The following OXR1 variants were observed in gnomAD, a reference collection of about 807,000 sequenced individuals.
OXR1 encodes oxidation resistance protein 1.
A neutral mutation model predicts 104.6 loss-of-function variants in OXR1; 41 were observed. That is an observed-to-expected ratio of 0.39 (90% CI 0.31 to 0.51). The LOEUF (loss-of-function observed/expected upper bound fraction) is 0.51, where lower values mean the gene tolerates loss of function less well. OXR1 is among the 20% of genes least tolerant of loss of function. The pLI, the probability that OXR1 is intolerant of heterozygous loss-of-function variation, is 0.77. For missense variants in OXR1, 955 were observed against 1,031.9 expected (o/e 0.93, Z 1.02); for synonymous variants, 348 against 348.4 (o/e 1.00, Z 0.01).
At chr8:106,464,862 G>A (rs959424564) in intron 2 of OXR1, among the ~76,000 whole-genome samples, 3 of 151,984 alleles carry the variant, frequency 2.0e-5, no homozygotes, top group Non-Finnish European at 2.9e-5. Context: ...TATCACTGAG[G>A]ATGGGCCTCT....
At chr8:106,581,636 G>A (rs1322271097) in intron 3 of OXR1, among the ~76,000 whole-genome samples, 1 of 152,034 alleles carries the variant, frequency 6.6e-6, no homozygotes, top group African/African-American at 2.4e-5. Flanking sequence ...CATGAACGCA[G>A]ATGAATAAAA....
At chr8:106,563,383 A>T (rs1313283343) in intron 3 of OXR1, among the ~76,000 whole-genome samples, 1 of 152,134 alleles carries the variant, frequency 6.6e-6, no homozygotes, top group Non-Finnish European at 1.5e-5. Context: ...GAGATCCAAG[A>T]AGACAAAGAA....
At chr8:106,527,556 C>T (rs1170707590) in intron 3 of OXR1, among the ~76,000 whole-genome samples, 3 of 152,186 alleles carry the variant, frequency 2.0e-5, no homozygotes, top group African/African-American at 7.2e-5. Flanking sequence ...TTTCCTCCTG[C>T]CTAGAATAGT....
intron 7 of OXR1, among the ~76,000 whole-genome samples, chr8:106,702,161 G>T (rs1332108809): frequency 1.3e-5 from 2 of 152,040 alleles, no homozygotes; most frequent in Admixed American, 1.3e-4. Flanking sequence ...TAGAGATGGG[G>T]TTTCACCATG....
intron 3 of OXR1, among the ~76,000 whole-genome samples, chr8:106,556,175 A>G (rs2130455112): frequency 6.6e-6 from 1 of 152,100 alleles, no homozygotes; most frequent in East Asian, 1.9e-4. Context: ...TGCTTAATGG[A>G]TATGATACTT....
At chr8:106,329,769 G>A (rs1000684956) in intron 1 of OXR1, among the ~76,000 whole-genome samples, 4 of 152,158 alleles carry the variant, frequency 2.6e-5, no homozygotes, top group African/African-American at 9.7e-5. Context: ...CCCTACCTAT[G>A]AGCAGGTTGC....
chr8:106,692,989 T>G (rs1829467613), intron 7 of OXR1, 112 bp downstream of exon 7: 2 of 705,996 alleles, frequency 2.8e-6, no homozygotes. Context: ...GCTTGAATAT[T>G]ATAGAAAGGT....
At chr8:106,609,859 C>CTT (rs1554603013) in intron 3 of OXR1, among the ~76,000 whole-genome samples, 2 of 151,638 alleles carry the variant, frequency 1.3e-5, no homozygotes, top group African/African-American at 4.8e-5. Context: ...CACACACACA[C>CTT]ATTTATGAGA....
intron 6 of OXR1, among the ~76,000 whole-genome samples, chr8:106,692,249 A>G (rs369288747): frequency 6.6e-6 from 1 of 152,146 alleles, no homozygotes; most frequent in African/African-American, 2.4e-5. Flanking sequence ...TTAAAAGGCT[A>G]TTCCAGTGAA....
At chr8:106,588,918 C>G (rs1818858914) in intron 3 of OXR1, among the ~76,000 whole-genome samples, 1 of 152,238 alleles carries the variant, frequency 6.6e-6, no homozygotes, top group African/African-American at 2.4e-5. Context: ...TAATATCTAA[C>G]TCATAACTTT....
At chr8:106,522,282 G>A (rs1813318052) in intron 3 of OXR1, among the ~76,000 whole-genome samples, 1 of 152,020 alleles carries the variant, frequency 6.6e-6, no homozygotes, top group African/African-American at 2.4e-5. Context: ...GATATAAAAT[G>A]GCATAATATA....
At chr8:106,501,830 C>A (rs911244218) in intron 2 of OXR1, among the ~76,000 whole-genome samples, 6 of 152,170 alleles carry the variant, frequency 3.9e-5, no homozygotes, top group African/African-American at 1.4e-4. Flanking sequence ...TTGATCAAAT[C>A]ATGTATTCTT....
chr8:106,579,214 T>C (rs1227244782), intron 3 of OXR1, among the ~76,000 whole-genome samples: 1 of 152,160 alleles, frequency 6.6e-6, no homozygotes, highest in African/African-American at 2.4e-5. Flanking sequence ...TCCCTATTTA[T>C]GGCTGTAGTT....
At chr8:106,528,405 T>C (rs921736669) in intron 3 of OXR1, among the ~76,000 whole-genome samples, 3 of 152,234 alleles carry the variant, frequency 2.0e-5, no homozygotes, top group Non-Finnish European at 2.9e-5. Flanking sequence ...ATAGAATACC[T>C]TCAACATTCC....
chr8:106,506,410 C>G lies in OXR1; in HGVS notation c.24-12533C>G, dbSNP rs574404545. Among the ~76,000 whole-genome samples the G allele has an allele frequency of 2.9e-3, 443 of 152,050 alleles. 1 individual carries two copies. The highest frequency in any genetic ancestry group is 6.1e-3 in the African/African-American group (254 of 41,478). On this transcript the variant is annotated intron_variant, in intron 2 of 16. Coordinates refer to ENST00000517566, the MANE Select transcript of OXR1 (RefSeq NM_001198533.2). ...GGGCGGATCACGAGGTCAGGAGATCCAGACAATCCTGGCTAACATGGTGAA... is the reference window on the plus strand; with the variant it reads ...GGGCGGATCACGAGGTCAGGAGATCGAGACAATCCTGGCTAACATGGTGAA...
At chr8:106,501,538 A>G (rs574757641) in intron 2 of OXR1, among the ~76,000 whole-genome samples, 6 of 152,246 alleles carry the variant, frequency 3.9e-5, no homozygotes, top group Non-Finnish European at 7.3e-5. Flanking sequence ...GTGAGAGGAA[A>G]GAGTGGAAGC....
At chr8:106,732,980 T>C (rs1834033936) in intron 11 of OXR1, among the ~76,000 whole-genome samples, 1 of 152,216 alleles carries the variant, frequency 6.6e-6, no homozygotes, top group Non-Finnish European at 1.5e-5. Context: ...TTTGGTAGTA[T>C]TCATCAGTGA....
chr8:106,488,085 T>C (rs1192667655), intron 2 of OXR1, among the ~76,000 whole-genome samples: 2 of 147,154 alleles, frequency 1.4e-5, no homozygotes, highest in Non-Finnish European at 3.0e-5. Flanking sequence ...CCAGCACCTC[T>C]TGTTTCCTGA....
chr8:106,703,417 G>A (rs142998462), intron 8 of OXR1, among the ~76,000 whole-genome samples: 2 of 152,228 alleles, frequency 1.3e-5, no homozygotes, highest in Non-Finnish European at 2.9e-5. Flanking sequence ...AGCAATCACT[G>A]TTGGGATAAT....
Sources: allele counts gnomAD v4.1 joint callset (sites outside exome capture counted in the v4.1 genomes callset), GRCh38; gene constraint gnomAD v4.1.1; transcripts MANE v1.5; gene names NCBI Gene and HGNC (gene_info 2026-07-23, HGNC 2026-07-21).